SLC4A5: variants seen among roughly 807,000 people sequenced by gnomAD.
The protein encoded by SLC4A5 is solute carrier family 4 member 5.
In SLC4A5, 96 loss-of-function variants were observed where a neutral mutation model predicts 120.4. That is an observed-to-expected ratio of 0.80 (90% CI 0.68 to 0.94). The LOEUF (loss-of-function observed/expected upper bound fraction) is 0.94. SLC4A5 is among the 40% of genes least tolerant of loss of function. The pLI is 0.00. For missense variants in SLC4A5, 1,259 were observed against 1,459.5 expected (o/e 0.86, Z 2.24); for synonymous variants, 550 against 571.1 (o/e 0.96, Z 0.53).
chr2:74,218,222 A>G (rs1329846915), exon 31 of SLC4A5: 1 of 152,264 alleles, frequency 6.6e-6, no homozygotes, highest in East Asian at 1.9e-4. Context: ...GTCTAGTGAC[A>G]TAAAAGTATA....
chr2:74,241,851 C>T (rs1033895592), intron 20 of SLC4A5, 143 bp downstream of exon 20: 5 of 584,810 alleles, frequency 8.5e-6, no homozygotes, highest in Non-Finnish European at 1.6e-5. Context: ...ATTTACAAAG[C>T]TCTGCAGGTG....
chr2:74,264,908 C>T (rs755705806), intron 9 of SLC4A5, among the ~76,000 whole-genome samples, 196 bp downstream of exon 9: 5 of 152,186 alleles, frequency 3.3e-5, no homozygotes, highest in Admixed American at 1.3e-4. Flanking sequence ...TTCCTCTCTA[C>T]TGGAGGTCTA....
intron 30 of SLC4A5, 43 bp downstream of exon 30, chr2:74,221,391 G>T: frequency 6.9e-7 from 1 of 1,459,738 alleles, no homozygotes; most frequent in Non-Finnish European, 9.6e-7. Context: ...CCATTTCCTA[G>T]TCTCTTACCT....
At chr2:74,250,455 T>C (rs768497599) in exon 17 of SLC4A5, 5 of 1,614,084 alleles carry the variant, frequency 3.1e-6, no homozygotes, top group Admixed American at 1.7e-5. Context: ...GAAGCCATCA[T>C]AGAAGTCACT....
intron 6 of SLC4A5, 84 bp from the exon 7 acceptor site, chr2:74,304,764 T>C: frequency 1.4e-6 from 2 of 1,405,064 alleles, no homozygotes; most frequent in East Asian, 2.4e-5. Context: ...TACAAAGAGA[T>C]TGGGCTGCAG....
intron 7 of SLC4A5, chr2:74,290,758 C>A: frequency 1.0e-6 from 1 of 986,278 alleles, no homozygotes; most frequent in Non-Finnish European, 1.2e-6. Flanking sequence ...GAAGCCGGGT[C>A]TCCACAGCAG....
At chr2:74,266,425 C>T (rs200509582) in intron 8 of SLC4A5, among the ~76,000 whole-genome samples, 7 of 152,208 alleles carry the variant, frequency 4.6e-5, no homozygotes, top group South Asian at 2.1e-4. Flanking sequence ...TGCACCATCA[C>T]GCTTGGCTAA....
intron 6 of SLC4A5, among the ~76,000 whole-genome samples, chr2:74,308,474 T>C (rs1390849176): frequency 1.3e-5 from 2 of 152,260 alleles, no homozygotes; most frequent in Admixed American, 6.5e-5. Context: ...AACTGACATA[T>C]GACATTTAGA....
In SLC4A5 at chr2:74,312,352, C is replaced by T. The variant is rs1672833757; in HGVS notation, c.79+2593G>A. 2.6e-5 allele frequency among the ~76,000 whole-genome samples: 4 copies of T among 151,886 alleles called. No individual in the cohort carries two copies. The South Asian group carries it at 8.3e-4, about 31-fold the overall frequency. On this transcript the variant is annotated intron_variant, in intron 6 of 30. Coordinates refer to ENST00000394019, the Ensembl canonical transcript of SLC4A5. ...TTCAACTGATTTCCTGACTCAGCCT[C>T]CCGAGTAGTTGGGATTACAGGTGCA...
chr2:74,275,765 G>A lies in SLC4A5; in HGVS notation c.401+10008C>T, dbSNP rs184063381. Among the ~76,000 whole-genome samples, 13 of 152,338 alleles carry A rather than the reference G, an allele frequency of 8.5e-5. No homozygotes were observed. In the East Asian group the frequency reaches 2.5e-3, roughly 29 times the overall value. ...CAGGCACTATGCTAAGCACTTAACA[G>A]GTATTATCTCATTTAATCCTTAAAT... On this transcript the variant is annotated intron_variant, in intron 8 of 30. Coordinates refer to ENST00000394019, the Ensembl canonical transcript of SLC4A5.
chr2:74,299,152 AC>A (rs900144846), intron 7 of SLC4A5, among the ~76,000 whole-genome samples: 4 of 152,162 alleles, frequency 2.6e-5, no homozygotes, highest in African/African-American at 9.7e-5. Context: ...GGAGTTCAAG[AC>A]CAGCCTGACC....
intron 20 of SLC4A5, among the ~76,000 whole-genome samples, chr2:74,241,602 C>T (rs1018437426): frequency 5.3e-5 from 8 of 151,534 alleles, no homozygotes; most frequent in African/African-American, 9.7e-5. Context: ...ATTAGCTGGG[C>T]GTGATGGTGC....
intron 27 of SLC4A5, among the ~76,000 whole-genome samples, chr2:74,225,241 A>C (rs1032449775): frequency 4.6e-5 from 7 of 152,160 alleles, no homozygotes; most frequent in African/African-American, 1.7e-4. Context: ...GGAGCCTGTG[A>C]CAGCCGAAGT....
rs984949056 is a variant in SLC4A5 at position 74,319,000 on chromosome 2, A to C, written c.-2-3975T>G. 5.3e-5 allele frequency among the ~76,000 whole-genome samples: 8 copies of C among 152,170 alleles called. No homozygotes were observed. In the South Asian group the frequency reaches 6.2e-4, roughly 12 times the overall value. On this transcript the variant is annotated intron_variant, in intron 5 of 30. Coordinates refer to ENST00000394019, the Ensembl canonical transcript of SLC4A5. ...GATAAGGAAATGTAATATATACATT[A>C]CATTATATATATATAATGGAATGCT...
rs777213933 is a variant in SLC4A5, at chr2:74,304,472, C to T, written c.271+17G>A. 3.1e-6 allele frequency: 5 copies of T among 1,592,982 alleles called. No individual in the cohort carries two copies. Among genetic ancestry groups the T allele is most frequent in the Non-Finnish European group, 1.7e-6 (2 of 1,169,240 alleles). On this transcript the variant is annotated intron_variant, in intron 7 of 30. Transcript: ENST00000394019. ...CAGCAGGATGGCTCCCCAGAATGTACCCCTCAAGGAACTCACGAGTCCTGC... is the reference window on the plus strand; with the variant it reads ...CAGCAGGATGGCTCCCCAGAATGTATCCCTCAAGGAACTCACGAGTCCTGC...
intron 5 of SLC4A5, among the ~76,000 whole-genome samples, chr2:74,318,520 T>C (rs1300118320): frequency 6.6e-6 from 1 of 152,042 alleles, no homozygotes; most frequent in Admixed American, 6.6e-5. Context: ...ACCCCGTATC[T>C]ACTAAAAATA....
At chr2:74,225,626 G>A (rs930570813) in intron 27 of SLC4A5, among the ~76,000 whole-genome samples, 5 of 151,976 alleles carry the variant, frequency 3.3e-5, no homozygotes, top group Admixed American at 2.6e-4. Flanking sequence ...TAAATTAGTG[G>A]CTCTCAAACT....
chr2:74,289,482 A>T (rs1466841972), intron 7 of SLC4A5, among the ~76,000 whole-genome samples: 1 of 152,054 alleles, frequency 6.6e-6, no homozygotes, highest in Non-Finnish European at 1.5e-5. Context: ...ATGCCTGGCT[A>T]ATTTTTGTAT....
In SLC4A5 at chr2:74,233,571, G is replaced by A. The variant is rs1670168728; in HGVS notation, c.2434-8C>T. 6.2e-7 allele frequency: 1 copy of A among 1,605,618 alleles called. No individual in the cohort carries two copies. The highest frequency in any genetic ancestry group is 8.5e-7 in the Non-Finnish European group (1 of 1,174,892). On this transcript the variant is annotated splice_polypyrimidine_tract_variant and splice_region_variant and intron_variant, in intron 22 of 30. Coordinates refer to ENST00000394019, the Ensembl canonical transcript of SLC4A5. ...TCGGTCAGGCCGCGTTGGCTGAGTG[G>A]GAGCAAACAGAGAGGGGCCCTTTCC...
Sources: allele counts gnomAD v4.1 joint callset (sites outside exome capture counted in the v4.1 genomes callset), GRCh38; gene constraint gnomAD v4.1.1; transcripts MANE v1.5; gene names NCBI Gene and HGNC (gene_info 2026-07-23, HGNC 2026-07-21).